The following SYNJ2 variants were observed in gnomAD, a reference collection of about 807,000 sequenced individuals.
SYNJ2 encodes polyphosphatidylinositol phosphatase SYNJ2.
Under a neutral mutation model 141.3 loss-of-function variants are expected in SYNJ2, and 116 were observed. The observed-to-expected ratio is 0.82, with a 90% CI of 0.71 to 0.96. The LOEUF is 0.96. SYNJ2 is among the 40% of genes least tolerant of loss of function. SYNJ2 has a pLI of 0.00. For synonymous variants in SYNJ2, 745 were observed against 777.7 expected (o/e 0.96, Z 0.70); for missense variants, 1,873 against 1,934.8 (o/e 0.97, Z 0.60).
At chr6:158,008,169 C>T (rs1040469486) in intron 1 of SYNJ2, among the ~76,000 whole-genome samples, 4 of 152,108 alleles carry the variant, frequency 2.6e-5, no homozygotes, top group African/African-American at 9.7e-5. Flanking sequence ...CATGGGGTTT[C>T]ACCATGTTGG....
At chr6:157,998,158 T>G (rs1389948575) in intron 1 of SYNJ2, among the ~76,000 whole-genome samples, 1 of 152,244 alleles carries the variant, frequency 6.6e-6, no homozygotes, top group Non-Finnish European at 1.5e-5. Context: ...GGGGTCTTCC[T>G]GGCAGTTTTT....
intron 1 of SYNJ2, among the ~76,000 whole-genome samples, chr6:158,009,130 C>G (rs1452175822): frequency 1.3e-5 from 2 of 152,234 alleles, no homozygotes; most frequent in African/African-American, 4.8e-5. Context: ...TGCAATGAGG[C>G]CTTCTCAGAC....
intron 1 of SYNJ2, among the ~76,000 whole-genome samples, chr6:157,988,469 A>G (rs1777290828): frequency 6.6e-6 from 1 of 152,178 alleles, no homozygotes; most frequent in Admixed American, 6.5e-5. Flanking sequence ...TGCAGCACTC[A>G]TGAGTACTCT....
Position 158,043,028 on chromosome 6 carries a change from T to G in SYNJ2, c.712-288T>G, listed in dbSNP as rs79538122. ...AAGGCTGTTCCTGGGATTTTCAGGG[T>G]GACGATAAGGTTGTGCCCTAGAAGT... On this transcript the variant is annotated intron_variant, in intron 4 of 26. Coordinates refer to ENST00000355585, the MANE Select transcript of SYNJ2 (RefSeq NM_003898.4). This position sits in a 1 kb window ranked among gnomAD's most constrained non-coding sequence, Gnocchi z 4.0. Among the ~76,000 whole-genome samples, 4,631 of 152,148 alleles carry G rather than the reference T, an allele frequency of 0.03. 237 individuals carry two copies. Among genetic ancestry groups the G allele is most frequent in the African/African-American group, 0.11 (4,396 of 41,480 alleles).
intron 1 of SYNJ2, among the ~76,000 whole-genome samples, chr6:157,986,098 C>A (rs563126358): frequency 6.6e-6 from 1 of 152,258 alleles, no homozygotes; most frequent in East Asian, 1.9e-4. Flanking sequence ...TTTTGATCTG[C>A]TAGAGAGGAC....
In SYNJ2 at chr6:158,097,231, T is replaced by G. The variant is rs1189058853; in HGVS notation, c.*867T>G. The G allele has an allele frequency of 2.0e-5, 3 of 152,242 alleles. No homozygotes were observed. The highest frequency in any genetic ancestry group is 6.5e-5 in the Admixed American group (1 of 15,286). The allele number at this position is 152,242 out of a possible 1,614,324, so 9.4% of individuals were successfully genotyped here. The stretch of plus-strand genomic sequence containing the variant: ...GAAAACTCTTGCTGATACGCGATAT[T>G]GATTCTCATTGTTAGAATATGGAGA... On this transcript the variant is annotated 3_prime_UTR_variant, in exon 27 of 27. Coordinates refer to ENST00000355585, the MANE Select transcript of SYNJ2 (RefSeq NM_003898.4).
Position 158,078,273 on chromosome 6 carries a change from T to C in SYNJ2, c.2559T>C (p.Ser853=). ...QYYGRAELQA[S]DHRPVLAIVE... ...ATGGTCGTGCGGAGCTACAAGCGTCTGATCACAGGTGAGGTCCTGACTTCC... is the reference window on the plus strand; with the variant it reads ...ATGGTCGTGCGGAGCTACAAGCGTCCGATCACAGGTGAGGTCCTGACTTCC... Residue 853 remains serine, a synonymous_variant, in exon 18 of 27, where the codon TCT becomes TCC. Transcript: ENST00000355585. 1.2e-6 allele frequency: 2 copies of C among 1,609,400 alleles called. No homozygotes were observed. Among genetic ancestry groups the C allele is most frequent in the Non-Finnish European group, 1.7e-6 (2 of 1,175,764 alleles).
chr6:158,039,773 C>T (rs1331332485), intron 4 of SYNJ2, among the ~76,000 whole-genome samples: 1 of 151,984 alleles, frequency 6.6e-6, no homozygotes, highest in Non-Finnish European at 1.5e-5. Context: ...GTGCAGGGAG[C>T]AACTTTGAGG....
chr6:158,095,148 C>CAAA lies in SYNJ2; in HGVS notation c.3745-456_3745-454dup, dbSNP rs776140659. ...TGGGGGACAGGGCGAGACTCCTTCTCAAAAAAAAAAAAAAAATTCAAGGAG... is the reference window on the plus strand; with the variant it reads ...TGGGGGACAGGGCGAGACTCCTTCTCAAAAAAAAAAAAAAAAAAATTCAAGGAG... On this transcript the variant is annotated intron_variant, in intron 26 of 26. Coordinates refer to ENST00000355585, the MANE Select transcript of SYNJ2 (RefSeq NM_003898.4). 1.0e-2 allele frequency among the ~76,000 whole-genome samples: 1,133 copies of CAAA among 113,582 alleles called. 19 individuals carry two copies. Among genetic ancestry groups the CAAA allele is most frequent in the African/African-American group, 0.035 (1,080 of 30,544 alleles). The allele number at this position is 113,582 out of a possible 152,430, so 74.5% of individuals were successfully genotyped here.
At chr6:158,052,405 A>G (rs1295540073) in intron 5 of SYNJ2, among the ~76,000 whole-genome samples, 2 of 152,224 alleles carry the variant, frequency 1.3e-5, no homozygotes, top group Non-Finnish European at 2.9e-5. Context: ...CTTGCTGTAA[A>G]GGAATACCTG....
In SYNJ2 at chr6:158,081,327, G is replaced by C. The variant is rs764712194; in HGVS notation, c.2786G>C (p.Arg929Thr). The change falls in exon 19 of 27, where the codon AGG becomes ACG. Residue 929 changes from arginine to threonine, a missense_variant and splice_region_variant. Coordinates refer to ENST00000355585, the MANE Select transcript of SYNJ2 (RefSeq NM_003898.4). Reference sequence around the variant, plus strand: ...AGTTATGGGACAATTGTTCTTGTCAGGTAACTGCTCCCCTGGCTGATGTGG... The same window carrying C: ...AGTTATGGGACAATTGTTCTTGTCACGTAACTGCTCCCCTGGCTGATGTGG... ...LGSYGTIVLV[R>T]INQGQMLVTF... 6.2e-7 allele frequency: 1 copy of C among 1,614,134 alleles called. No individual in the cohort carries two copies. The highest frequency in any genetic ancestry group is 8.5e-7 in the Non-Finnish European group (1 of 1,180,012).
chr6:157,992,703 C>T (rs143299463), intron 1 of SYNJ2, among the ~76,000 whole-genome samples: 96 of 151,730 alleles, frequency 6.3e-4, no homozygotes, highest in African/African-American at 2.2e-3. Context: ...CAACTGCACT[C>T]GGCTGGCTGG....
rs541233932 is a variant in SYNJ2, at chr6:158,081,162, G to C, written c.2621G>C (p.Arg874Pro). 6.8e-6 allele frequency: 11 copies of C among 1,613,888 alleles called. No homozygotes were observed. Among genetic ancestry groups the C allele is most frequent in the Admixed American group, 6.7e-5 (4 of 59,988 alleles). Reference sequence around the variant, plus strand: ...GTTCAGGAAGTCGATGTGGGTGCTCGGGAGAGGGTTTTCCAGGAAGTGTCC... The same window carrying C: ...GTTCAGGAAGTCGATGTGGGTGCTCCGGAGAGGGTTTTCCAGGAAGTGTCC... ...VEVQEVDVGARERVFQEVSSF... is the reference protein window; with the variant it reads ...VEVQEVDVGAPERVFQEVSSF... The change falls in exon 19 of 27, where the codon CGG becomes CCG. Residue 874 changes from arginine to proline, a missense_variant. Coordinates refer to ENST00000355585, the MANE Select transcript of SYNJ2 (RefSeq NM_003898.4).
intron 18 of SYNJ2, among the ~76,000 whole-genome samples, chr6:158,080,082 G>A (rs1782575739): frequency 6.6e-6 from 1 of 152,208 alleles, no homozygotes; most frequent in Non-Finnish European, 1.5e-5. Flanking sequence ...ATTATTTCCT[G>A]CTGGACTGTT....
In SYNJ2 at chr6:158,096,205, C is replaced by CA. The variant is rs755891042; in HGVS notation, c.4336dup (p.Arg1446LysfsTer23). The CA allele has an allele frequency of 6.2e-7, 1 of 1,614,240 alleles. No individual in the cohort carries two copies. Among genetic ancestry groups the CA allele is most frequent in the South Asian group, 1.1e-5 (1 of 91,080 alleles). The stretch of plus-strand genomic sequence containing the variant: ...CTTTGGACTCAGGAACCAGGAGCCC[C>CA]AAAAGAGATCCCATAGACCCAGTGT... On this transcript the variant is annotated frameshift_variant, in exon 27 of 27. Transcript: ENST00000355585. LOFTEE classifies it low-confidence loss of function (END_TRUNC).
At chr6:158,054,848 G>T in intron 5 of SYNJ2, 119 bp from the exon 6 acceptor site, 1 of 943,946 alleles carries the variant, frequency 1.1e-6, no homozygotes, top group Non-Finnish European at 1.6e-6. Context: ...GACCACAGAG[G>T]TGGCCTAGTG....
chr6:158,029,692 T>C (rs945162517), intron 3 of SYNJ2, among the ~76,000 whole-genome samples: 1 of 152,180 alleles, frequency 6.6e-6, no homozygotes, highest in African/African-American at 2.4e-5. Flanking sequence ...ACTCTTTCAG[T>C]CTTCTCAATC....
chr6:158,087,050 G>A, intron 23 of SYNJ2, 61 bp downstream of exon 23: 1 of 1,556,720 alleles, frequency 6.4e-7, no homozygotes, highest in Non-Finnish European at 8.7e-7. Context: ...CGCGTTCCCT[G>A]CTACTGAAAA....
At chr6:158,020,989 C>T (rs992802993) in intron 2 of SYNJ2, among the ~76,000 whole-genome samples, 1 of 152,138 alleles carries the variant, frequency 6.6e-6, no homozygotes, top group African/African-American at 2.4e-5. Flanking sequence ...CCTGAAATGC[C>T]AGCAGGAAGG....
Sources: gnomAD v4.1 joint callset for allele counts (sites outside exome capture counted in the v4.1 genomes callset) on GRCh38, gnomAD v4.1.1 for gene constraint, Gnocchi (gnomAD v3.1) non-coding constraint, MANE v1.5 for transcripts, NCBI Gene and HGNC (gene_info 2026-07-23, HGNC 2026-07-21) for gene names.